The following DIAPH2 variants were observed in gnomAD, a reference collection of about 807,000 sequenced individuals.
DIAPH2 encodes the protein protein diaphanous homolog 2.
Under a neutral mutation model 92.7 loss-of-function variants are expected in DIAPH2, and 35 were observed. The observed-to-expected ratio is 0.38, with a 90% CI of 0.29 to 0.50. DIAPH2 has a LOEUF of 0.50. DIAPH2 is among the 20% of genes least tolerant of loss of function. DIAPH2 has a pLI of 0.94. For missense variants in DIAPH2, 701 were observed against 819.5 expected, an observed-to-expected ratio of 0.86 and a Z score of 1.77; for synonymous variants, 301 against 280.4, an observed-to-expected ratio of 1.07 and a Z score of -0.73.
intron 22 of DIAPH2, among the ~76,000 whole-genome samples, chrX:97,186,196 C>G (rs1333156414): frequency 9.0e-6 from 1 of 111,524 alleles, no homozygotes; most frequent in Non-Finnish European, 1.9e-5. Context: ...CTAGCATATT[C>G]GCAGTCCCTT....
At chrX:97,113,572 G>C (rs1247351196) in intron 20 of DIAPH2, among the ~76,000 whole-genome samples, 1 of 112,369 alleles carries the variant, frequency 8.9e-6, no homozygotes, top group Non-Finnish European at 1.9e-5. Context: ...CATATTTGGA[G>C]AGGCAGATGT....
chrX:97,158,447 A>G (rs950470769), intron 22 of DIAPH2, among the ~76,000 whole-genome samples: 2 of 111,912 alleles, frequency 1.8e-5, no homozygotes, highest in African/African-American at 3.2e-5. Flanking sequence ...TCTCTTCAAC[A>G]GTGCTTATTG....
intron 17 of DIAPH2, among the ~76,000 whole-genome samples, chrX:97,060,982 G>T (rs984807547): frequency 6.9e-5 from 6 of 86,956 alleles, no homozygotes; most frequent in Non-Finnish European, 1.4e-4. Flanking sequence ...ATACACAAAC[G>T]CACACGTGCG....
At chrX:96,876,363 G>C (rs1214061993) in intron 4 of DIAPH2, among the ~76,000 whole-genome samples, 1 of 111,592 alleles carries the variant, frequency 9.0e-6, no homozygotes, top group Non-Finnish European at 1.9e-5. Flanking sequence ...GATTCCTCAG[G>C]GATCTAGAAC....
At chrX:96,722,036 G>A (rs1042273152) in intron 1 of DIAPH2, among the ~76,000 whole-genome samples, 1 of 110,873 alleles carries the variant, frequency 9.0e-6, no homozygotes, top group African/African-American at 3.3e-5. Context: ...TTCCTTTTAG[G>A]TATTCATGTC....
intron 4 of DIAPH2, among the ~76,000 whole-genome samples, chrX:96,775,008 C>G (rs1425098032): frequency 8.9e-6 from 1 of 112,039 alleles, no homozygotes; most frequent in African/African-American, 3.2e-5. Flanking sequence ...AACAGAAGTC[C>G]TCTTCCATTG....
At chrX:97,585,930 A>G (rs377135529) in intron 26 of DIAPH2, among the ~76,000 whole-genome samples, 15 of 112,043 alleles carry the variant, frequency 1.3e-4, no homozygotes, top group African/African-American at 4.9e-4. Flanking sequence ...CCTGAATTCC[A>G]TAACGTGTAC....
intron 17 of DIAPH2, among the ~76,000 whole-genome samples, chrX:96,967,396 A>G (rs1488291555): frequency 2.8e-5 from 1 of 35,798 alleles, no homozygotes; most frequent in Admixed American, 2.1e-4. Flanking sequence ...TTATTTATTT[A>G]TTCATTCATT....
chrX:97,598,077 G>A (rs748798192), intron 26 of DIAPH2, among the ~76,000 whole-genome samples: 3 of 111,099 alleles, frequency 2.7e-5, no homozygotes, highest in East Asian at 2.8e-4. Flanking sequence ...AGACAAGAAC[G>A]GCACCATGGC....
chrX:96,830,570 CAAAAAAAAAAAAAA>C (rs776270215), intron 4 of DIAPH2, among the ~76,000 whole-genome samples: 1 of 13,441 alleles, frequency 7.4e-5, no homozygotes, highest in Non-Finnish European at 1.1e-4. Flanking sequence ...GACTCAGTCT[CAAAAAAAAAAAAAA>C]AAAAAAAAAA....
intron 19 of DIAPH2, among the ~76,000 whole-genome samples, chrX:97,086,470 G>T (rs1417534231): frequency 1.8e-5 from 2 of 111,586 alleles, no homozygotes; most frequent in African/African-American, 6.5e-5. Flanking sequence ...ATTTATTTTA[G>T]AACATGGTGA....
intron 24 of DIAPH2, among the ~76,000 whole-genome samples, chrX:97,368,650 A>G (rs1245104541): frequency 1.8e-5 from 2 of 111,166 alleles, no homozygotes; most frequent in Non-Finnish European, 3.8e-5. Context: ...TTCATCCCAT[A>G]AATTAACCAC....
chrX:96,905,824 T>C (rs2065429422), intron 5 of DIAPH2, among the ~76,000 whole-genome samples: 1 of 112,240 alleles, frequency 8.9e-6, no homozygotes, highest in South Asian at 3.7e-4. Context: ...AATTGGATAG[T>C]GACCAGTTAA....
intron 17 of DIAPH2, among the ~76,000 whole-genome samples, chrX:96,989,418 T>A (rs766621607): frequency 8.9e-6 from 1 of 111,937 alleles, no homozygotes; most frequent in Admixed American, 9.6e-5. Context: ...CTCATCTTTT[T>A]AATCCAGAAA....
At chrX:97,094,896 T>C (rs184633270) in intron 19 of DIAPH2, among the ~76,000 whole-genome samples, 12 of 110,266 alleles carry the variant, frequency 1.1e-4, no homozygotes, top group Middle Eastern at 4.7e-3. Flanking sequence ...GGCATGAAAC[T>C]GTCATTTCAT....
At chrX:97,325,543 GTTATTTTATT>G (rs58975226) in intron 23 of DIAPH2, among the ~76,000 whole-genome samples, 1,184 of 95,054 alleles carry the variant, frequency 0.012, 13 homozygotes, top group African/African-American at 0.039. Flanking sequence ...TCATCTTAAT[GTTATTTTATT>G]TTATTTTATT....
chrX:97,209,069 T>G (rs2067819567), intron 22 of DIAPH2, among the ~76,000 whole-genome samples: 1 of 111,134 alleles, frequency 9.0e-6, no homozygotes, highest in Non-Finnish European at 1.9e-5. Context: ...TCAATCAGTC[T>G]TCTATAGAGC....
chrX:97,399,936 G>C (rs1040312992), intron 25 of DIAPH2, among the ~76,000 whole-genome samples: 15 of 112,314 alleles, frequency 1.3e-4, no homozygotes, highest in African/African-American at 4.8e-4. Context: ...ATTTTTAGGA[G>C]CATCCTAGGA....
intron 26 of DIAPH2, among the ~76,000 whole-genome samples, chrX:97,573,038 A>G (rs1212806511): frequency 9.0e-6 from 1 of 111,355 alleles, no homozygotes; most frequent in Non-Finnish European, 1.9e-5. Flanking sequence ...GCACTTTTAG[A>G]TGTCCCATAT....
Sources: gnomAD v4.1 joint callset for allele counts (sites outside exome capture counted in the v4.1 genomes callset) on GRCh38, gnomAD v4.1.1 for gene constraint, MANE v1.5 for transcripts, NCBI Gene and HGNC (gene_info 2026-07-23, HGNC 2026-07-21) for gene names.